The following VRK3 variants were observed in gnomAD, a reference collection of about 807,000 sequenced individuals.
VRK3 encodes VRK serine/threonine kinase 3, also known as serine/threonine-protein kinase VRK3.
A neutral mutation model predicts 60.4 loss-of-function variants in VRK3; 50 were observed. The observed-to-expected ratio is 0.83, with a 90% CI of 0.66 to 1.05. The LOEUF (loss-of-function observed/expected upper bound fraction) is 1.05, where lower values mean the gene tolerates loss of function less well. VRK3 is among the 50% of genes least tolerant of loss of function. The pLI, the probability that VRK3 is intolerant of heterozygous loss-of-function variation, is 0.00. For synonymous variants in VRK3, 246 were observed against 227.8 expected, an observed-to-expected ratio of 1.08 and a Z score of -0.72; for missense variants, 549 against 585.3, an observed-to-expected ratio of 0.94 and a Z score of 0.64.
At chr19:49,985,230 A>C (rs182143368) in intron 12 of VRK3, among the ~76,000 whole-genome samples, 1 of 152,298 alleles carries the variant, frequency 6.6e-6, no homozygotes, top group African/African-American at 2.4e-5. Flanking sequence ...GCTTCATTTC[A>C]AAAGAAACCT....
At chr19:49,981,922 G>C (rs747685795) in intron 12 of VRK3, 1 of 802,172 alleles carries the variant, frequency 1.2e-6, no homozygotes, top group East Asian at 2.9e-5. Flanking sequence ...GACTTCAGGA[G>C]GTCATGCTGT....
At chr19:49,992,046 T>C (rs1416666334) in intron 10 of VRK3, among the ~76,000 whole-genome samples, 1 of 152,248 alleles carries the variant, frequency 6.6e-6, no homozygotes, top group Non-Finnish European at 1.5e-5. Flanking sequence ...TGTACACTTA[T>C]CTTTGAACAA....
chr19:50,000,702 C>G, intron 6 of VRK3, 88 bp downstream of exon 6: 4 of 1,490,434 alleles, frequency 2.7e-6, no homozygotes, highest in Non-Finnish European at 3.7e-6. Context: ...GCCGAGCTCT[C>G]CCAGCTGACA....
chr19:49,977,793 T>C (rs917960178), intron 14 of VRK3, among the ~76,000 whole-genome samples: 5 of 151,682 alleles, frequency 3.3e-5, no homozygotes, highest in Non-Finnish European at 7.4e-5. Context: ...AAGAGGGAGA[T>C]TGGCACAGGT....
At chr19:49,981,041 G>C in intron 12 of VRK3, 28 bp from the exon 13 acceptor site, 1 of 1,608,256 alleles carries the variant, frequency 6.2e-7, no homozygotes, top group Non-Finnish European at 8.5e-7. Context: ...CATGTGAAAG[G>C]TCTCTTAGGG....
chr19:49,988,185 G>A, intron 12 of VRK3, 187 bp downstream of exon 12: 1 of 797,748 alleles, frequency 1.3e-6, no homozygotes. Context: ...CAGGCAGTGT[G>A]GCTCCGGAAC....
Position 49,979,063 on chromosome 19 carries a change from G to C in VRK3, c.*11+20C>G. 6.3e-7 allele frequency: 1 copy of C among 1,578,536 alleles called. No individual in the cohort carries two copies. Among genetic ancestry groups the C allele is most frequent in the South Asian group, 1.2e-5 (1 of 85,416 alleles). ...TGAGGGCAAGGGGTGAGAGGCTTAA[G>C]CCTCACAAGCTCTTCCCACCTGGAT... On this transcript the variant is annotated intron_variant, in intron 14 of 14. Coordinates refer to ENST00000316763, the MANE Select transcript of VRK3 (RefSeq NM_016440.4).
At position 49,976,742 on chromosome 19, in the gene VRK3, A is replaced by G. The variant is rs1052450; in HGVS notation, c.*54T>C. ...TAAACAGCAGGCCTTGAGTCACATT[A>G]CTTCATTTTTTTTTTTCTGTTGCAC... On this transcript the variant is annotated 3_prime_UTR_variant, in exon 15 of 15. Transcript: ENST00000316763. 27,464 of 150,756 alleles carry G rather than the reference A, an allele frequency of 0.18. 2,636 individuals carry two copies. The highest frequency in any genetic ancestry group is 0.32 in the East Asian group (1,669 of 5,146). 9.3% of individuals were successfully genotyped at this position (150,756 alleles called of 1,614,324 possible).
intron 12 of VRK3, among the ~76,000 whole-genome samples, chr19:49,983,854 CTA>C (rs764538890): frequency 2.0e-5 from 3 of 152,134 alleles, no homozygotes; most frequent in Non-Finnish European, 2.9e-5. Context: ...GGCTAACAGA[CTA>C]TGGGCTGGGG....
chr19:49,982,690 T>C (rs956903854), intron 12 of VRK3, among the ~76,000 whole-genome samples: 1 of 152,230 alleles, frequency 6.6e-6, no homozygotes, highest in African/African-American at 2.4e-5. Flanking sequence ...CAACTACTTT[T>C]AGTGAGTAAG....
At chr19:49,984,232 G>A (rs1446266184) in intron 12 of VRK3, among the ~76,000 whole-genome samples, 1 of 152,202 alleles carries the variant, frequency 6.6e-6, no homozygotes, top group East Asian at 1.9e-4. Context: ...GGCACCATGG[G>A]CTGATTCTAA....
chr19:50,016,885 C>T (rs902068033), intron 2 of VRK3, among the ~76,000 whole-genome samples: 2 of 136,172 alleles, frequency 1.5e-5, no homozygotes, highest in African/African-American at 7.2e-5. Flanking sequence ...CTATTTGTAA[C>T]GAGCATCTAA....
intron 3 of VRK3, among the ~76,000 whole-genome samples, chr19:50,012,233 A>C (rs551172918): frequency 6.6e-6 from 1 of 152,124 alleles, no homozygotes. Context: ...CAGCCTCCCA[A>C]AGTGCTGGGA....
intron 10 of VRK3, among the ~76,000 whole-genome samples, 169 bp from the exon 11 acceptor site, chr19:49,989,940 AC>A (rs1971984949): frequency 6.6e-6 from 1 of 152,066 alleles, no homozygotes; most frequent in Non-Finnish European, 1.5e-5. Flanking sequence ...AAGAACCCAA[AC>A]CAGCCATCCA....
In VRK3 at chr19:50,008,961, C is replaced by T. The variant is rs1258420576; in HGVS notation, c.289+275G>A. The T allele has an allele frequency of 1.8e-5, 7 of 393,586 alleles. No individual in the cohort carries two copies. The East Asian group carries it at 3.0e-4, about 17-fold the overall frequency. 24.4% of individuals were successfully genotyped at this position (393,586 alleles called of 1,614,324 possible). A position where few individuals can be genotyped will look rare whatever the true frequency, so the allele number is the denominator to read the frequency against. On this transcript the variant is annotated intron_variant, in intron 4 of 14. Coordinates refer to ENST00000316763, the MANE Select transcript of VRK3 (RefSeq NM_016440.4). ...AAGCAGGAACCAGGCCACACAGATA[C>T]CAGACTGAAGAGCTTGGTCTGAGGG...
At chr19:50,013,265 C>G (rs1460424397) in intron 3 of VRK3, among the ~76,000 whole-genome samples, 1 of 152,230 alleles carries the variant, frequency 6.6e-6, no homozygotes, top group African/African-American at 2.4e-5. Context: ...AAGAAGTCAA[C>G]TTGAGACCTC....
intron 12 of VRK3, chr19:49,986,592 C>T (rs2076519961): frequency 6.6e-6 from 1 of 152,344 alleles, no homozygotes; most frequent in Non-Finnish European, 1.5e-5. Flanking sequence ...GAGCAGCTGT[C>T]CATGGTTGAG....
chr19:49,981,344 G>A (rs963022190), intron 12 of VRK3, among the ~76,000 whole-genome samples: 20 of 152,132 alleles, frequency 1.3e-4, no homozygotes, highest in Non-Finnish European at 1.9e-4. Context: ...CAGGAGATCC[G>A]AGATCATCCT....
At chr19:49,998,158 G>A (rs897788234) in intron 6 of VRK3, 7 of 151,130 alleles carry the variant, frequency 4.6e-5, no homozygotes, top group Non-Finnish European at 2.9e-5. Flanking sequence ...ACATCATCTT[G>A]CTTAAGCCAC....
Sources: allele counts gnomAD v4.1 joint callset (sites outside exome capture counted in the v4.1 genomes callset), GRCh38; gene constraint gnomAD v4.1.1; transcripts MANE v1.5; gene names NCBI Gene and HGNC (gene_info 2026-07-23, HGNC 2026-07-21).